MATK: variants seen among roughly 807,000 people sequenced by gnomAD.
MATK encodes megakaryocyte-associated tyrosine-protein kinase.
A neutral mutation model predicts 59.8 loss-of-function variants in MATK; 41 were observed. The observed-to-expected ratio is 0.69, with a 90% CI of 0.53 to 0.89. The LOEUF (loss-of-function observed/expected upper bound fraction) is 0.89, where lower values mean the gene tolerates loss of function less well. Ranked by LOEUF, MATK falls within the 40% of genes least tolerant of loss-of-function variation. The pLI, the probability that MATK is intolerant of heterozygous loss-of-function variation, is 0.00. For synonymous variants in MATK, 308 were observed against 306.1 expected (o/e 1.01, Z -0.06); for missense variants, 593 against 719.6 (o/e 0.82, Z 2.01).
intron 1 of MATK, among the ~76,000 whole-genome samples, chr19:3,794,152 T>G (rs1015489990): frequency 2.0e-5 from 3 of 152,186 alleles, no homozygotes; most frequent in Admixed American, 1.3e-4. Flanking sequence ...CCCACAGTGG[T>G]CACCCTTAGT....
chr19:3,790,868 T>G (rs35914498), upstream of MATK, among the ~76,000 whole-genome samples: 6,423 of 152,050 alleles, frequency 0.042, 260 homozygotes, highest in East Asian at 0.21. Flanking sequence ...TGTCTCACTG[T>G]GTGATAGGTG....
At chr19:3,784,692 G>A (rs954543373) in intron 3 of MATK, 133 bp downstream of exon 3, 9 of 742,666 alleles carry the variant, frequency 1.2e-5, no homozygotes, top group Admixed American at 8.6e-5. Context: ...CAAGATGACT[G>A]AGAAAGGCCA....
Position 3,785,189 on chromosome 19 carries a change from A to T in MATK, c.-54T>A. 6.2e-7 allele frequency: 1 copy of T among 1,612,136 alleles called. No individual in the cohort carries two copies. The highest frequency in any genetic ancestry group is 8.5e-7 in the Non-Finnish European group (1 of 1,179,488). On this transcript the variant is annotated 5_prime_UTR_variant, in exon 2 of 14. Transcript: ENST00000310132. ...AGAGGCACACTGAGCAAGTGGTCACAGTCGGGGACGCTGGGAATGGCCTGC... is the reference window on the plus strand; with the variant it reads ...AGAGGCACACTGAGCAAGTGGTCACTGTCGGGGACGCTGGGAATGGCCTGC...
chr19:3,783,956 C>T lies in MATK; in HGVS notation c.440G>A (p.Arg147Gln), dbSNP rs889961757. The change falls in exon 6 of 14, where the codon CGG (arginine) becomes CAG (glutamine). Residue 147 changes from arginine to glutamine, a missense_variant. Arg to Gln is a conservative substitution (Grantham distance 43). Coordinates refer to ENST00000310132, the MANE Select transcript of MATK (RefSeq NM_139355.3). ...QPPEDGLFLVRESARHPGDYV... is the reference protein window; with the variant it reads ...QPPEDGLFLVQESARHPGDYV... ...GTCGCCGGGGTGGCGCGCGGACTCC[C>T]GCACCAGGAACAGCCCATCCTCGGG... 9 of 1,612,434 alleles carry T rather than the reference C, an allele frequency of 5.6e-6. No individual in the cohort carries two copies. The highest frequency in any genetic ancestry group is 6.8e-6 in the Non-Finnish European group (8 of 1,179,694).
At chr19:3,781,559 C>G in intron 8 of MATK, 48 bp downstream of exon 8, 1 of 1,592,862 alleles carries the variant, frequency 6.3e-7, no homozygotes, top group Non-Finnish European at 8.6e-7. Flanking sequence ...AGCCTCAATA[C>G]GCACCTCCCA....
rs765606510 is a variant in MATK, at chr19:3,785,310, T to A, written c.-151-24A>T. On this transcript the variant is annotated intron_variant, in intron 1 of 13. Transcript: ENST00000310132. ...TTCTGGTTGGTAGGCAGGGGCAGGGTGGGGAAATAGGGATGAGTCAAGGTC... is the reference window on the plus strand; with the variant it reads ...TTCTGGTTGGTAGGCAGGGGCAGGGAGGGGAAATAGGGATGAGTCAAGGTC... 29 of 1,416,076 alleles carry A rather than the reference T, an allele frequency of 2.0e-5. 2 individuals are homozygous for A. The South Asian group carries it at 4.0e-4, about 20-fold the overall frequency. 87.7% of individuals were successfully genotyped at this position (1,416,076 alleles called of 1,614,324 possible). A position where few individuals can be genotyped will look rare whatever the true frequency, so the allele number is the denominator to read the frequency against.
At chr19:3,781,810 G>T in intron 7 of MATK, 138 bp from the exon 8 acceptor site, 1 of 706,404 alleles carries the variant, frequency 1.4e-6, no homozygotes, top group Non-Finnish European at 2.5e-6. Context: ...TGCTGGGCCT[G>T]GCAATGCCCC....
chr19:3,791,351 C>G (rs986763516), upstream of MATK, among the ~76,000 whole-genome samples: 6 of 143,536 alleles, frequency 4.2e-5, no homozygotes, highest in South Asian at 6.7e-4. Flanking sequence ...CCTCCCCCCA[C>G]TTTTTTTTTT....
upstream of MATK, among the ~76,000 whole-genome samples, chr19:3,787,214 C>T (rs2037495754): frequency 6.6e-6 from 1 of 152,118 alleles, no homozygotes; most frequent in Admixed American, 6.5e-5. Context: ...CTCACTACAG[C>T]CTTGACCACC....
chr19:3,786,395 CGCG>C, upstream of MATK: 1 of 980,956 alleles, frequency 1.0e-6, no homozygotes, highest in Non-Finnish European at 1.2e-6. The surrounding 1 kb of genome is among the most constrained non-coding windows in gnomAD (Gnocchi z 4.1). Context: ...GTCTCCTCCG[CGCG>C]CCGCCGCCGC....
chr19:3,797,849 C>T (rs1371792347), intron 1 of MATK, among the ~76,000 whole-genome samples: 1 of 152,074 alleles, frequency 6.6e-6, no homozygotes, highest in Non-Finnish European at 1.5e-5. Flanking sequence ...CGAGACCAGG[C>T]TGGCCAACAT....
At chr19:3,781,125 T>C (rs1462447180) in intron 8 of MATK, among the ~76,000 whole-genome samples, 1 of 152,202 alleles carries the variant, frequency 6.6e-6, no homozygotes, top group Non-Finnish European at 1.5e-5. Context: ...TTCTGGGTCA[T>C]AGTTTTCATG....
intron 1 of MATK, among the ~76,000 whole-genome samples, chr19:3,792,080 T>C (rs886324389): frequency 2.0e-5 from 3 of 147,578 alleles, no homozygotes; most frequent in African/African-American, 5.0e-5. Context: ...TATAGACCAG[T>C]CTGGCAACAG....
chr19:3,801,120 A>G (rs542407239), intron 1 of MATK, among the ~76,000 whole-genome samples: 3 of 152,232 alleles, frequency 2.0e-5, no homozygotes, highest in African/African-American at 7.2e-5. Context: ...GACAGGCGTG[A>G]GCCACCGCGC....
At chr19:3,789,159 TCA>T, upstream of MATK, 1 of 607,642 alleles carries the variant, frequency 1.6e-6, no homozygotes, top group Non-Finnish European at 3.1e-6. Context: ...TGTCCTTCTG[TCA>T]CAGTCACTGC....
Position 3,778,927 on chromosome 19 carries a change from C to T in MATK, c.1197+65G>A, listed in dbSNP as rs949529668. 4 of 1,457,670 alleles carry T rather than the reference C, an allele frequency of 2.7e-6. No homozygotes were observed. In the African/African-American group the frequency reaches 5.6e-5, roughly 21 times the overall value. The allele number at this position is 1,457,670 out of a possible 1,614,324, so 90.3% of individuals were successfully genotyped here. ...GTTTCAGAGAGGCCAAGGGACATACCCAGGGTCATACAGCAGAGCTGGGGG... is the reference window on the plus strand; with the variant it reads ...GTTTCAGAGAGGCCAAGGGACATACTCAGGGTCATACAGCAGAGCTGGGGG... On this transcript the variant is annotated intron_variant, in intron 12 of 13. Transcript: ENST00000310132.
chr19:3,796,371 C>T (rs770783698), intron 1 of MATK, among the ~76,000 whole-genome samples: 36 of 152,106 alleles, frequency 2.4e-4, no homozygotes, highest in Admixed American at 5.9e-4. Flanking sequence ...GGATGTTGTC[C>T]ATTGACTTCC....
intron 1 of MATK, among the ~76,000 whole-genome samples, chr19:3,792,106 TA>T (rs59970387): frequency 0.89 from 125,762 of 141,218 alleles, 55,999 homozygotes; most frequent in Middle Eastern, 0.95. Flanking sequence ...GACTCCATCT[TA>T]AAAAAAAAAA....
chr19:3,782,892 C>T (rs1403876282), intron 7 of MATK: 3 of 528,510 alleles, frequency 5.7e-6, no homozygotes, highest in Non-Finnish European at 6.8e-6. Flanking sequence ...AGGTTTCTGG[C>T]TCAGATGGTG....
Sources: gnomAD v4.1 joint callset for allele counts (sites outside exome capture counted in the v4.1 genomes callset) on GRCh38, gnomAD v4.1.1 for gene constraint, Gnocchi (gnomAD v3.1) non-coding constraint, MANE v1.5 for transcripts, NCBI Gene and HGNC (gene_info 2026-07-23, HGNC 2026-07-21) for gene names.